Variants in MAP3K15 observed in about 807,000 individuals in gnomAD.
MAP3K15 encodes the protein mitogen-activated protein kinase kinase kinase 15, also known as MAPK/ERK kinase kinase 15.
MAP3K15 carries 124 observed loss-of-function variants against 99.5 expected under a neutral mutation model. The ratio of observed to expected loss-of-function variants is 1.25; its 90% CI spans 1.08 to 1.45. The LOEUF is 1.45. Ranked by LOEUF, MAP3K15 falls within the 40% of genes most tolerant of loss-of-function variation. The pLI is 0.00. For missense variants in MAP3K15, 1,242 were observed against 1,079.7 expected, an observed-to-expected ratio of 1.15 and a Z score of -2.11; for synonymous variants, 494 against 439.6, an observed-to-expected ratio of 1.12 and a Z score of -1.55.
At chrX:19,485,063 C>G (rs2064313858) in intron 3 of MAP3K15, among the ~76,000 whole-genome samples, 1 of 110,913 alleles carries the variant, frequency 9.0e-6, no homozygotes, top group Non-Finnish European at 1.9e-5. Flanking sequence ...AATCTCAGCA[C>G]TTTAGGAGGC....
At chrX:19,464,889 CT>C (rs1416494896) in intron 3 of MAP3K15, among the ~76,000 whole-genome samples, 10 of 111,098 alleles carry the variant, frequency 9.0e-5, no homozygotes, top group Non-Finnish European at 1.9e-5. Flanking sequence ...TATAATGAGT[CT>C]CAGATCTCTT....
chrX:19,424,319 C>CAT (rs754188009), intron 9 of MAP3K15, among the ~76,000 whole-genome samples: 70 of 103,971 alleles, frequency 6.7e-4, no homozygotes, highest in Non-Finnish European at 1.2e-3. Context: ...CATATATATA[C>CAT]ATATATATAT....
rs34191166 is a variant in MAP3K15 at position 19,482,179 on chromosome X, C to CAAAAAAAAAAAAAAAAAAAAAAAAAAAA, written c.525+4302_525+4303insTTTTTTTTTTTTTTTTTTTTTTTTTTTT. 5.7e-4 allele frequency: 18 copies of CAAAAAAAAAAAAAAAAAAAAAAAAAAAA among 31,459 alleles called. 1 individual carries two copies. The highest frequency in any genetic ancestry group is 1.9e-3 in the African/African-American group (18 of 9,375). 2.6% of individuals were successfully genotyped at this position (31,459 alleles called of 1,213,427 possible). On this transcript the variant is annotated intron_variant, in intron 3 of 28. Coordinates refer to ENST00000338883, the MANE Select transcript of MAP3K15 (RefSeq NM_001001671.4). The stretch of plus-strand genomic sequence containing the variant: ...TGGGCGACAGAGTGAGATTCCAGCT[C>CAAAAAAAAAAAAAAAAAAAAAAAAAAAA]AAAAAAAAAAAAAAAAAGCCTATAT...
intron 26 of MAP3K15, among the ~76,000 whole-genome samples, chrX:19,362,236 T>C (rs999129083): frequency 8.9e-5 from 9 of 101,404 alleles, no homozygotes; most frequent in Non-Finnish European, 1.6e-4. Context: ...GAATCTTTTT[T>C]TTTTTTTTTT....
intron 1 of MAP3K15, among the ~76,000 whole-genome samples, chrX:19,508,016 C>T (rs2064491478): frequency 9.0e-6 from 1 of 110,869 alleles, no homozygotes; most frequent in Non-Finnish European, 1.9e-5. Context: ...TACAGGTGCC[C>T]GCCACCATGC....
At position 19,515,170 on chromosome X, in the gene MAP3K15, G is replaced by T. The variant is rs1369796869; in HGVS notation, c.92C>A (p.Ala31Glu). 2 of 821,129 alleles carry T rather than the reference G, an allele frequency of 2.4e-6. No homozygotes were observed. The highest frequency in any genetic ancestry group is 2.9e-6 in the Non-Finnish European group (2 of 680,601). 67.7% of individuals were successfully genotyped at this position (821,129 alleles called of 1,213,427 possible). ...CCCGTCGGGCTCCGCCGGCCCGGCC[G>T]CGCCCTCCACCCCCGGCGGCGGCGG... is the stretch of plus-strand genomic sequence containing the variant. ...QCPPPPGVEG[A>E]AGPAEPDGAA... The change falls in exon 1 of 29, where the codon GCG (alanine) becomes GAG (glutamate). Residue 31 changes from alanine to glutamate, a missense_variant. Ala to Glu is a moderately radical substitution (Grantham distance 107, BLOSUM62 -1). Transcript: ENST00000338883.
chrX:19,475,909 C>T (rs1354453429), intron 3 of MAP3K15, among the ~76,000 whole-genome samples: 1 of 112,082 alleles, frequency 8.9e-6, no homozygotes, highest in East Asian at 2.8e-4. Flanking sequence ...TTTCCGCAGG[C>T]ACCCCATGCA....
intron 13 of MAP3K15, among the ~76,000 whole-genome samples, chrX:19,401,657 G>A (rs1234842815): frequency 9.0e-6 from 1 of 111,472 alleles, no homozygotes; most frequent in Non-Finnish European, 1.9e-5. Flanking sequence ...GCATAAGGTG[G>A]CCACATCATT....
chrX:19,508,159 C>T (rs768464347), intron 1 of MAP3K15, among the ~76,000 whole-genome samples: 5 of 110,576 alleles, frequency 4.5e-5, no homozygotes, highest in Non-Finnish European at 5.7e-5. Flanking sequence ...TGAGCCGCCA[C>T]GCCCAGCCAG....
intron 3 of MAP3K15, among the ~76,000 whole-genome samples, chrX:19,481,361 C>T (rs2064288951): frequency 9.2e-6 from 1 of 108,885 alleles, no homozygotes; most frequent in African/African-American, 3.4e-5. Flanking sequence ...ATCTACCTCA[C>T]ACCAGACAAA....
intron 9 of MAP3K15, among the ~76,000 whole-genome samples, chrX:19,420,704 A>G (rs948832792): frequency 5.4e-5 from 6 of 111,858 alleles, no homozygotes; most frequent in Non-Finnish European, 9.4e-5. Flanking sequence ...TCATCCTGAT[A>G]CCAAAGCCTG....
At chrX:19,441,309 A>T (rs1328526625) in intron 6 of MAP3K15, among the ~76,000 whole-genome samples, 1 of 106,969 alleles carries the variant, frequency 9.3e-6, no homozygotes, top group Non-Finnish European at 1.9e-5. Flanking sequence ...GCTTAGGAAT[A>T]GGGGGGGAAG....
rs186498731 is a variant in MAP3K15, at chrX:19,381,542, G to A, written c.2432-1265C>T. On this transcript the variant is annotated intron_variant, in intron 18 of 28. Transcript: ENST00000338883. ...AAGCAGGGTCCTGCTGCGAAGGCTGGAGGGCTGGACAAAGGGGATCATGGG... is the reference window on the plus strand; with the variant it reads ...AAGCAGGGTCCTGCTGCGAAGGCTGAAGGGCTGGACAAAGGGGATCATGGG... Among the ~76,000 whole-genome samples the A allele has an allele frequency of 3.2e-3, 362 of 112,318 alleles. 1 individual carries two copies. Among genetic ancestry groups the A allele is most frequent in the Middle Eastern group, 0.028 (6 of 216 alleles).
chrX:19,421,269 G>T (rs749712192), intron 9 of MAP3K15, among the ~76,000 whole-genome samples: 16 of 111,201 alleles, frequency 1.4e-4, no homozygotes, highest in East Asian at 2.8e-4. Flanking sequence ...GACATGATTG[G>T]ATATCTAGAA....
At chrX:19,455,513 A>ATTTTTTTTTT (rs755405077) in intron 6 of MAP3K15, among the ~76,000 whole-genome samples, 1 of 65,754 alleles carries the variant, frequency 1.5e-5, no homozygotes, top group Non-Finnish European at 2.5e-5. Flanking sequence ...TGCCTGGCTA[A>ATTTTTTTTTT]TTTTTTTTTT....
intron 13 of MAP3K15, among the ~76,000 whole-genome samples, chrX:19,403,923 A>C (rs1425944675): frequency 8.9e-6 from 1 of 111,958 alleles, no homozygotes; most frequent in Non-Finnish European, 1.9e-5. Flanking sequence ...CATCATACTT[A>C]ATGATGAAAG....
chrX:19,486,320 G>A (rs954502425), intron 3 of MAP3K15, among the ~76,000 whole-genome samples, 162 bp downstream of exon 3: 3 of 111,854 alleles, frequency 2.7e-5, no homozygotes, highest in Non-Finnish European at 3.8e-5. Flanking sequence ...GGGGCCGGCC[G>A]GTTGAGGCAT....
rs1230664228 is a variant in MAP3K15 at position 19,422,182 on chromosome X, G to T, written c.1439+3349C>A. 2.7e-5 allele frequency among the ~76,000 whole-genome samples: 3 copies of T among 109,940 alleles called. No homozygotes were observed. The East Asian group carries it at 8.5e-4, about 31-fold the overall frequency. ...AACAAAAGCCAAAATTGACAAATGG[G>T]ATCTAATTAAACTAAAGAGCTTCTG... On this transcript the variant is annotated intron_variant, in intron 9 of 28. Transcript: ENST00000338883.
intron 3 of MAP3K15, among the ~76,000 whole-genome samples, chrX:19,475,681 C>T (rs1186665666): frequency 2.7e-5 from 3 of 111,390 alleles, no homozygotes; most frequent in African/African-American, 6.5e-5. Flanking sequence ...AGGAGCAGAG[C>T]ATGTCAGAGC....
Sources: allele counts gnomAD v4.1 joint callset (sites outside exome capture counted in the v4.1 genomes callset), GRCh38; gene constraint gnomAD v4.1.1; transcripts MANE v1.5; gene names NCBI Gene and HGNC (gene_info 2026-07-23, HGNC 2026-07-21).